IQCM: variants seen among roughly 807,000 people sequenced by gnomAD.
IQCM encodes IQ domain-containing protein M.
Under a neutral mutation model 57.6 loss-of-function variants are expected in IQCM, and 45 were observed. The observed-to-expected ratio is 0.78, with a 90% CI of 0.62 to 1.00. The LOEUF (loss-of-function observed/expected upper bound fraction) is 1.00. Among genes scored for constraint, IQCM ranks in the 50% least tolerant of loss-of-function variants. The probability of loss-of-function intolerance (pLI) is 0.00; values close to 1 mark genes in which losing one functional copy is unlikely to be tolerated. For missense variants in IQCM, 468 were observed against 511.6 expected (o/e 0.91, Z 0.82); for synonymous variants, 148 against 158.9 (o/e 0.93, Z 0.51).
At chr4:149,797,153 C>T (rs2150041461) in intron 2 of IQCM, among the ~76,000 whole-genome samples, 1 of 152,034 alleles carries the variant, frequency 6.6e-6, no homozygotes, top group East Asian at 1.9e-4. Flanking sequence ...AGAGGAAACT[C>T]AAAGAAATTC....
intron 5 of IQCM, among the ~76,000 whole-genome samples, chr4:149,711,981 T>C (rs1036466397): frequency 2.0e-5 from 3 of 152,156 alleles, no homozygotes; most frequent in East Asian, 3.9e-4. Context: ...AAATATAAAG[T>C]GTCTCTAAAA....
chr4:149,657,068 A>G (rs763894305), intron 7 of IQCM, among the ~76,000 whole-genome samples: 33 of 152,098 alleles, frequency 2.2e-4, no homozygotes, highest in Non-Finnish European at 4.3e-4. Context: ...CTTACTGTTA[A>G]CCATCATCAC....
At chr4:149,763,814 C>CAATGAAGAGAATGAAGAGAATGAAATGAA (rs1769769050) in intron 2 of IQCM, among the ~76,000 whole-genome samples, 3 of 151,714 alleles carry the variant, frequency 2.0e-5, no homozygotes, top group African/African-American at 7.3e-5. Flanking sequence ...AGAGAAAGTC[C>CAATGAAGAGAATGAAGAGAATGAAATGAA]TGCAAAAAGA....
chr4:149,537,950 GA>G (rs965473874), intron 12 of IQCM, among the ~76,000 whole-genome samples: 1 of 151,474 alleles, frequency 6.6e-6, no homozygotes, highest in Non-Finnish European at 1.5e-5. Flanking sequence ...CCTGCTGAAA[GA>G]AAAAGACACC....
At chr4:149,444,688 A>T (rs1736315600) in intron 12 of IQCM, among the ~76,000 whole-genome samples, 1 of 151,882 alleles carries the variant, frequency 6.6e-6, no homozygotes. Flanking sequence ...CTGAAAAAAA[A>T]ACAGATTAGC....
At chr4:149,755,971 G>A (rs114999847) in intron 2 of IQCM, among the ~76,000 whole-genome samples, 12 of 152,336 alleles carry the variant, frequency 7.9e-5, no homozygotes, top group African/African-American at 2.9e-4. Context: ...AGATAGCAGA[G>A]TCACATAGCA....
At chr4:149,392,277 T>C (rs767863260) in intron 13 of IQCM, among the ~76,000 whole-genome samples, 5 of 151,990 alleles carry the variant, frequency 3.3e-5, no homozygotes, top group African/African-American at 4.8e-5. Context: ...ACACTTTTGG[T>C]TGGGCAAAAA....
At chr4:149,761,790 C>A (rs1243030181) in intron 2 of IQCM, among the ~76,000 whole-genome samples, 2 of 152,044 alleles carry the variant, frequency 1.3e-5, no homozygotes, top group African/African-American at 4.8e-5. Flanking sequence ...GTACAAAGAG[C>A]TAGTTCCTTA....
chr4:149,372,825 T>C (rs1730451910), intron 13 of IQCM, among the ~76,000 whole-genome samples: 1 of 152,156 alleles, frequency 6.6e-6, no homozygotes, highest in Non-Finnish European at 1.5e-5. Flanking sequence ...ATTAGTGGTG[T>C]TACATCCTAG....
intron 13 of IQCM, among the ~76,000 whole-genome samples, chr4:149,355,583 T>A (rs1242459999): frequency 6.6e-6 from 1 of 152,182 alleles, no homozygotes; most frequent in African/African-American, 2.4e-5. Flanking sequence ...TCATCATTTT[T>A]TATAGCTGCA....
chr4:149,705,515 T>C (rs1346572150), intron 5 of IQCM, among the ~76,000 whole-genome samples: 1 of 151,698 alleles, frequency 6.6e-6, no homozygotes, highest in Non-Finnish European at 1.5e-5. Flanking sequence ...ACGACTTGAG[T>C]TGGCATACCT....
chr4:149,522,097 T>C (rs1402169881), intron 12 of IQCM, among the ~76,000 whole-genome samples: 1 of 152,134 alleles, frequency 6.6e-6, no homozygotes, highest in Non-Finnish European at 1.5e-5. Context: ...CAGCAGATAA[T>C]CCCAGAGTTT....
intron 8 of IQCM, among the ~76,000 whole-genome samples, chr4:149,609,284 G>C (rs1183788371): frequency 6.6e-6 from 1 of 151,760 alleles, no homozygotes; most frequent in Non-Finnish European, 1.5e-5. Flanking sequence ...GGACCTGATG[G>C]CTTCACTGTT....
At chr4:149,412,871 G>C (rs1733486189) in intron 13 of IQCM, among the ~76,000 whole-genome samples, 1 of 152,138 alleles carries the variant, frequency 6.6e-6, no homozygotes, top group Non-Finnish European at 1.5e-5. Context: ...CATGTGCTAA[G>C]GCATGCCCAG....
intron 2 of IQCM, among the ~76,000 whole-genome samples, chr4:149,806,134 T>C (rs1033176219): frequency 6.6e-6 from 1 of 151,654 alleles, no homozygotes; most frequent in Non-Finnish European, 1.5e-5. Context: ...AAATATTAAA[T>C]ATATTAATTT....
chr4:149,463,920 C>T (rs6535684), intron 12 of IQCM, among the ~76,000 whole-genome samples: 151,148 of 152,314 alleles, frequency 0.99, 75,011 homozygotes, highest in East Asian at 1. Context: ...AACATGAAAA[C>T]AATCCTAGGA....
chr4:149,781,052 C>T (rs1413028481), intron 2 of IQCM, among the ~76,000 whole-genome samples: 1 of 151,890 alleles, frequency 6.6e-6, no homozygotes, highest in Non-Finnish European at 1.5e-5. Flanking sequence ...TCATTAAATA[C>T]ATAAAAGAAG....
intron 9 of IQCM, among the ~76,000 whole-genome samples, chr4:149,574,876 C>T (rs2726753): frequency 0.22 from 32,796 of 151,798 alleles, 4,369 homozygotes; most frequent in Non-Finnish European, 0.29. Context: ...CCAAATACTT[C>T]TTAAGCTGCA....
At chr4:149,357,976 G>A (rs1193828766) in intron 13 of IQCM, among the ~76,000 whole-genome samples, 2 of 152,190 alleles carry the variant, frequency 1.3e-5, no homozygotes, top group Non-Finnish European at 2.9e-5. Context: ...AGTTTTGGGA[G>A]AGTGTATGTG....
Sources: allele counts gnomAD v4.1 joint callset (sites outside exome capture counted in the v4.1 genomes callset), GRCh38; gene constraint gnomAD v4.1.1; transcripts MANE v1.5; gene names NCBI Gene and HGNC (gene_info 2026-07-23, HGNC 2026-07-21).